The following ZNF639 variants were observed in gnomAD, a reference collection of about 807,000 sequenced individuals.
ZNF639 encodes the protein zinc finger protein 639.
A neutral mutation model predicts 39.8 loss-of-function variants in ZNF639; 20 were observed. That is an observed-to-expected ratio of 0.50 (90% CI 0.35 to 0.73). The LOEUF (loss-of-function observed/expected upper bound fraction) is 0.73. Among genes scored for constraint, ZNF639 ranks in the 30% least tolerant of loss-of-function variants. The pLI, the probability that ZNF639 is intolerant of heterozygous loss-of-function variation, is 0.00. For synonymous variants in ZNF639, 176 were observed against 189.8 expected (o/e 0.93, Z 0.60); for missense variants, 477 against 566.2 (o/e 0.84, Z 1.60).
At position 179,334,031 on chromosome 3, in the gene ZNF639, A is replaced by T; in HGVS notation, c.1067A>T (p.His356Leu). 1 of 1,614,230 alleles carries T rather than the reference A, an allele frequency of 6.2e-7. No individual in the cohort carries two copies. Among genetic ancestry groups the T allele is most frequent in the Non-Finnish European group, 8.5e-7 (1 of 1,180,038 alleles). The change falls in exon 6 of 6, where the codon CAT (histidine) becomes CTT (leucine). Residue 356 changes from histidine to leucine, a missense_variant. His to Leu is a moderately conservative substitution (Grantham distance 99, BLOSUM62 -3). Coordinates refer to ENST00000496856, the MANE Select transcript of ZNF639 (RefSeq NM_001303426.2). ...AGTGATAAGTATAACAATGGTGAAC[A>T]TGGACAGTATAGCCTCTTAAGCAAA... ...ELSDKYNNGE[H>L]GQYSLLSKIT... is the part of the protein sequence containing the mutation.
intron 2 of ZNF639, chr3:179,328,008 G>C (rs186586846): frequency 3.9e-6 from 1 of 257,556 alleles, no homozygotes; most frequent in Admixed American, 5.5e-5. Flanking sequence ...GTGGTTTATT[G>C]TAATTATCCA....
rs2108508995 is a variant in ZNF639, at chr3:179,334,698, G to T, written c.*276G>T. The T allele has an allele frequency of 5.0e-6, 1 of 199,148 alleles. No individual in the cohort carries two copies. The highest frequency in any genetic ancestry group is 1.0e-5 in the Non-Finnish European group (1 of 99,668). 12.3% of individuals were successfully genotyped at this position (199,148 alleles called of 1,614,324 possible). On this transcript the variant is annotated 3_prime_UTR_variant, in exon 6 of 6. Transcript: ENST00000496856. ...ATTCTCTGATTTCATGAATTGAAAA[G>T]AAACAAATGTATTGAAGAAGTGAGC...
At chr3:179,325,855 T>G (rs896048461) in intron 1 of ZNF639, among the ~76,000 whole-genome samples, 1 of 152,032 alleles carries the variant, frequency 6.6e-6, no homozygotes, top group African/African-American at 2.4e-5. Context: ...CACTCCAGCC[T>G]GGGCGAAAGA....
rs774150405 is a variant in ZNF639 at position 179,329,639 on chromosome 3, T to C, written c.80T>C (p.Ile27Thr). The C allele has an allele frequency of 6.2e-7, 1 of 1,606,872 alleles. No homozygotes were observed. The highest frequency in any genetic ancestry group is 1.7e-5 in the Admixed American group (1 of 59,382). Residue 27 changes from isoleucine to threonine, a missense_variant, in exon 4 of 6, where the codon ATT becomes ACT. Transcript: ENST00000496856. ...RYSDSSGISR[I>T]ADGFNGIFSD... Reference sequence around the variant, plus strand: ...TCAGATTCCTCTGGAATAAGCAGAATTGCAGATGGATTCAATGGAATTTTC... The same window carrying C: ...TCAGATTCCTCTGGAATAAGCAGAACTGCAGATGGATTCAATGGAATTTTC...
At chr3:179,332,285 G>T (rs1407918598) in intron 4 of ZNF639, among the ~76,000 whole-genome samples, 3 of 152,208 alleles carry the variant, frequency 2.0e-5, no homozygotes, top group African/African-American at 7.2e-5. Context: ...AGATTTTTCT[G>T]TAATTCTAAA....
chr3:179,333,942 T>G lies in ZNF639; in HGVS notation c.978T>G (p.Thr326=). 6.2e-7 allele frequency: 1 copy of G among 1,614,170 alleles called. No homozygotes were observed. Among genetic ancestry groups the G allele is most frequent in the Non-Finnish European group, 8.5e-7 (1 of 1,180,026 alleles). The change falls in exon 6 of 6, where the codon ACT becomes ACG. Residue 326 remains threonine (T), a synonymous_variant. Transcript: ENST00000496856. ...QYLCQFCEHE[T]NDPEDLHSHV... is the part of the protein sequence containing the mutation. ...TGTGTCAGTTCTGTGAACATGAAAC[T>G]AATGATCCAGAAGACTTGCATAGCC...
Position 179,328,274 on chromosome 3 carries a change from G to T in ZNF639, c.-11-9G>T. On this transcript the variant is annotated splice_polypyrimidine_tract_variant and intron_variant, in intron 2 of 5. Coordinates refer to ENST00000496856, the MANE Select transcript of ZNF639 (RefSeq NM_001303426.2). ...GTGACATATTTGTTAATTTTTTCTC[G>T]TTTTTTAGATTGAAAAGATATGAAT... 2 of 1,498,750 alleles carry T rather than the reference G, an allele frequency of 1.3e-6. No individual in the cohort carries two copies. The highest frequency in any genetic ancestry group is 1.8e-6 in the Non-Finnish European group (2 of 1,097,924). The allele number at this position is 1,498,750 out of a possible 1,614,324, so 92.8% of individuals were successfully genotyped here. A position where few individuals can be genotyped will look rare whatever the true frequency, so the allele number is the denominator to read the frequency against.
At chr3:179,324,988 T>G (rs1008665187) in intron 1 of ZNF639, 1 of 152,222 alleles carries the variant, frequency 6.6e-6, no homozygotes, top group Non-Finnish European at 1.5e-5. Context: ...TTGTTTACAT[T>G]GTTAGGTGAG....
Position 179,333,426 on chromosome 3 carries a change from GA to G in ZNF639, c.463del (p.Thr155GlnfsTer31). ...HAISEDYDIE[T>X]ENNSSESLQD... The stretch of plus-strand genomic sequence containing the variant: ...CGATTTCTGAGGATTATGATATAGA[GA>G]CAGAAAACAATTCCTCTGAGAGTCT... On this transcript the variant is annotated frameshift_variant, in exon 6 of 6. Coordinates refer to ENST00000496856, the MANE Select transcript of ZNF639 (RefSeq NM_001303426.2). LOFTEE classifies it high-confidence loss of function. 1 of 1,614,088 alleles carries G rather than the reference GA, an allele frequency of 6.2e-7. No homozygotes were observed. Among genetic ancestry groups the G allele is most frequent in the African/African-American group, 1.3e-5 (1 of 75,010 alleles).
chr3:179,331,965 T>TA (rs1446077389), intron 4 of ZNF639, among the ~76,000 whole-genome samples: 1 of 151,722 alleles, frequency 6.6e-6, no homozygotes, highest in Non-Finnish European at 1.5e-5. Context: ...GTAATCATTT[T>TA]AAAAAAAAGA....
In ZNF639 at chr3:179,335,637, T is replaced by C. The variant is rs1711506551; in HGVS notation, c.*1215T>C. 1 of 152,188 alleles carries C rather than the reference T, an allele frequency of 6.6e-6. No homozygotes were observed. The highest frequency in any genetic ancestry group is 1.5e-5 in the Non-Finnish European group (1 of 68,040). The allele number at this position is 152,188 out of a possible 1,614,324, so 9.4% of individuals were successfully genotyped here. On this transcript the variant is annotated 3_prime_UTR_variant, in exon 6 of 6. Transcript: ENST00000496856. Reference sequence around the variant, plus strand: ...AGTTGTGAAGGCCAGACATTCAAAATGGAGTTATTGGCAGTTGGTTCCTTC... The same window carrying C: ...AGTTGTGAAGGCCAGACATTCAAAACGGAGTTATTGGCAGTTGGTTCCTTC...
intron 3 of ZNF639, among the ~76,000 whole-genome samples, chr3:179,329,096 A>G (rs1235748016): frequency 3.3e-5 from 5 of 152,182 alleles, no homozygotes; most frequent in Non-Finnish European, 7.3e-5. Flanking sequence ...CCTCGCATAC[A>G]TTTACTTGGG....
In ZNF639 at chr3:179,335,445, AT is replaced by A. The variant is rs1469733411; in HGVS notation, c.*1026del. The A allele has an allele frequency of 6.6e-6, 1 of 152,256 alleles. No individual in the cohort carries two copies. Among genetic ancestry groups the A allele is most frequent in the Non-Finnish European group, 1.5e-5 (1 of 68,054 alleles). 9.4% of individuals were successfully genotyped at this position (152,256 alleles called of 1,614,324 possible). On this transcript the variant is annotated 3_prime_UTR_variant, in exon 6 of 6. Coordinates refer to ENST00000496856, the MANE Select transcript of ZNF639 (RefSeq NM_001303426.2). ...TCATTGACAGAAAACCCACTGAAGT[AT>A]TTAAAGTTAGGAAGATCTGGGAGAT...
At chr3:179,329,204 AC>A (rs1379507527) in intron 3 of ZNF639, among the ~76,000 whole-genome samples, 3 of 152,184 alleles carry the variant, frequency 2.0e-5, no homozygotes, top group Non-Finnish European at 4.4e-5. Context: ...TTCCTAGACA[AC>A]ACTTGAAATG....
intron 3 of ZNF639, 133 bp from the exon 4 acceptor site, chr3:179,329,485 T>A (rs1727782364): frequency 1.8e-6 from 1 of 566,000 alleles, no homozygotes; most frequent in Non-Finnish European, 3.1e-6. Context: ...CTTTAAAAGT[T>A]GAAAATGTAT....
Position 179,337,102 on chromosome 3 carries a change from CAAAAAAA to C in ZNF639, c.*2683_*2689del, listed in dbSNP as rs895700499. 6.7e-6 allele frequency: 1 copy of C among 149,790 alleles called. No individual in the cohort carries two copies. The highest frequency in any genetic ancestry group is 6.7e-5 in the Admixed American group (1 of 15,030). The allele number at this position is 149,790 out of a possible 1,614,324, so 9.3% of individuals were successfully genotyped here. On this transcript the variant is annotated 3_prime_UTR_variant, in exon 6 of 6. Transcript: ENST00000496856. ...TGAAACCCCGTCTCTACTAAAAATACAAAAAAAAATTAGCTGGGCGTGGTGGTGGGCA... is the reference window on the plus strand; with the variant it reads ...TGAAACCCCGTCTCTACTAAAAATACAATTAGCTGGGCGTGGTGGTGGGCA...
Position 179,334,548 on chromosome 3 carries a change from T to C in ZNF639, c.*126T>C. 3.3e-6 allele frequency: 2 copies of C among 611,344 alleles called. No homozygotes were observed. Among genetic ancestry groups the C allele is most frequent in the Non-Finnish European group, 5.1e-6 (2 of 395,530 alleles). The allele number at this position is 611,344 out of a possible 1,614,324, so 37.9% of individuals were successfully genotyped here. A position where few individuals can be genotyped will look rare whatever the true frequency, so the allele number is the denominator to read the frequency against. ...GCCTTTAACAAGTAACTTTTTTAAA[T>C]TATAAAATTTTATTGGCATTGCTCC... On this transcript the variant is annotated 3_prime_UTR_variant, in exon 6 of 6. Transcript: ENST00000496856.
At chr3:179,330,545 C>T (rs1194347537) in intron 4 of ZNF639, among the ~76,000 whole-genome samples, 1 of 152,232 alleles carries the variant, frequency 6.6e-6, no homozygotes, top group African/African-American at 2.4e-5. Flanking sequence ...GTTGGCCTCA[C>T]AGAGTGCTGA....
Position 179,334,208 on chromosome 3 carries a change from T to C in ZNF639, c.1244T>C (p.Met415Thr). Residue 415 changes from methionine (M) to threonine (T), a missense_variant, in exon 6 of 6, where the codon ATG becomes ACG. Physicochemically the swap from Met to Thr is moderately conservative, Grantham distance 81 (BLOSUM62 -1). Transcript: ENST00000496856. ...CDDCGKGFSS[M>T]LEYCKHLNSH... The stretch of plus-strand genomic sequence containing the variant: ...GACTGTGGGAAAGGCTTTTCAAGTA[T>C]GCTAGAATATTGCAAGCATTTAAAT... The C allele has an allele frequency of 6.2e-7, 1 of 1,613,674 alleles. No individual in the cohort carries two copies. The highest frequency in any genetic ancestry group is 8.5e-7 in the Non-Finnish European group (1 of 1,179,770).
Sources: allele counts gnomAD v4.1 joint callset (sites outside exome capture counted in the v4.1 genomes callset), GRCh38; gene constraint gnomAD v4.1.1; transcripts MANE v1.5; gene names NCBI Gene and HGNC (gene_info 2026-07-23, HGNC 2026-07-21).